The following RPGRIP1 variants were observed in gnomAD, a reference collection of about 807,000 sequenced individuals.
RPGRIP1 encodes X-linked retinitis pigmentosa GTPase regulator-interacting protein 1.
RPGRIP1 carries 128 observed loss-of-function variants against 157.9 expected under a neutral mutation model. The ratio of observed to expected loss-of-function variants is 0.81; its 90% CI spans 0.70 to 0.94. The LOEUF (loss-of-function observed/expected upper bound fraction) is 0.94. Among genes scored for constraint, RPGRIP1 ranks in the 40% least tolerant of loss-of-function variants. The probability of loss-of-function intolerance (pLI) is 0.00; values close to 1 mark genes in which losing one functional copy is unlikely to be tolerated. For synonymous variants in RPGRIP1, 554 were observed against 571.6 expected (o/e 0.97, Z 0.44); for missense variants, 1,486 against 1,545.8 (o/e 0.96, Z 0.65).
At chr14:21,280,241 CTTTT>C (rs35642254) in intron 1 of RPGRIP1, among the ~76,000 whole-genome samples, 82 bp downstream of exon 1, 1 of 109,358 alleles carries the variant, frequency 9.1e-6, no homozygotes, top group African/African-American at 3.5e-5. Context: ...TAAGTTTATT[CTTTT>C]TTTTTTTTTT....
intron 14 of RPGRIP1, among the ~76,000 whole-genome samples, chr14:21,323,681 C>A (rs574201169): frequency 1.1e-4 from 17 of 152,046 alleles, no homozygotes; most frequent in South Asian, 8.3e-4. Context: ...TATAGAAATT[C>A]TTTTTATGCT....
chr14:21,304,431 GAAA>G (rs1881207154), intron 6 of RPGRIP1, among the ~76,000 whole-genome samples: 3 of 147,734 alleles, frequency 2.0e-5, no homozygotes, highest in African/African-American at 5.1e-5. Flanking sequence ...AAGAAAGAAA[GAAA>G]GAAAGAAAGA....
chr14:21,351,177 T>C lies in RPGRIP1; in HGVS notation c.3822T>C (p.His1274=). The C allele has an allele frequency of 1.2e-6, 2 of 1,612,242 alleles. No homozygotes were observed. Among genetic ancestry groups the C allele is most frequent in the Non-Finnish European group, 1.7e-6 (2 of 1,178,938 alleles). ...CCCTTCAAGCAGCTGCTGTCCTCCATGCTATTTACAAGGAGATGACTGAAG... is the reference window on the plus strand; with the variant it reads ...CCCTTCAAGCAGCTGCTGTCCTCCACGCTATTTACAAGGAGATGACTGAAG... ...KVSLQAAAVL[H]AIYKEMTEDL... The change falls in exon 25 of 25, where the codon CAT becomes CAC. Residue 1274 remains histidine, a synonymous_variant. Transcript: ENST00000400017.
chr14:21,307,202 T>G (rs1269289750), intron 6 of RPGRIP1, among the ~76,000 whole-genome samples: 2 of 152,094 alleles, frequency 1.3e-5, no homozygotes, highest in African/African-American at 4.8e-5. Context: ...GACAGGCTTA[T>G]GCCACCACAC....
At chr14:21,318,079 T>C in intron 11 of RPGRIP1, 1 of 677,872 alleles carries the variant, frequency 1.5e-6, no homozygotes, top group South Asian at 1.5e-5. Flanking sequence ...TCTTTCCATT[T>C]GAGAAGATGC....
chr14:21,302,552 CAG>C lies in RPGRIP1; in HGVS notation c.558_559del (p.Gly187Ter). On this transcript the variant is annotated frameshift_variant, in exon 5 of 25. Transcript: ENST00000400017. LOFTEE classifies it high-confidence loss of function. ...TTAAGGAGCATGCGACAAATGAAAA[CAG>C]AGGTGAAGTAGCCAGTAAACCCAGT... Reference protein sequence around the residue: ...SFKEHATNENRGEVASKPSEL... With the variant: ...SFKEHATNENXGEVASKPSEL... 1 of 1,586,630 alleles carries C rather than the reference CAG, an allele frequency of 6.3e-7. No individual in the cohort carries two copies. The highest frequency in any genetic ancestry group is 2.3e-5 in the East Asian group (1 of 44,168).
intron 12 of RPGRIP1, among the ~76,000 whole-genome samples, chr14:21,320,848 A>C (rs1882379190): frequency 1.3e-5 from 2 of 152,064 alleles, no homozygotes; most frequent in South Asian, 2.1e-4. Context: ...TGATCCGCCC[A>C]ACTCAGCCTC....
intron 1 of RPGRIP1, among the ~76,000 whole-genome samples, 156 bp from the exon 2 acceptor site, chr14:21,287,783 C>G (rs1380547765): frequency 6.6e-6 from 1 of 152,182 alleles, no homozygotes; most frequent in Non-Finnish European, 1.5e-5. Context: ...TGTTGTTACT[C>G]TTTAGTGTAG....
chr14:21,291,684 C>A (rs895816604), intron 2 of RPGRIP1, among the ~76,000 whole-genome samples: 1 of 151,754 alleles, frequency 6.6e-6, no homozygotes, highest in Admixed American at 6.6e-5. Context: ...AAGGCTCAAG[C>A]GATCCTCCAG....
At chr14:21,306,783 C>G (rs1387456778) in intron 6 of RPGRIP1, among the ~76,000 whole-genome samples, 1 of 147,866 alleles carries the variant, frequency 6.8e-6, no homozygotes, top group African/African-American at 2.5e-5. Context: ...TTATTATTAT[C>G]ATTATTTTTT....
intron 24 of RPGRIP1, among the ~76,000 whole-genome samples, chr14:21,349,316 C>G (rs1176590810): frequency 1.3e-5 from 2 of 151,560 alleles, no homozygotes; most frequent in African/African-American, 4.8e-5. Context: ...GCAATCCACC[C>G]TCTTTTGCCT....
At chr14:21,300,894 A>G (rs1880996257) in intron 3 of RPGRIP1, 72 bp from the exon 4 acceptor site, 5 of 1,524,210 alleles carry the variant, frequency 3.3e-6, no homozygotes, top group African/African-American at 2.8e-5. Flanking sequence ...ATTCGTGATT[A>G]TATGTCCCAA....
chr14:21,296,192 C>T (rs990872741), intron 3 of RPGRIP1, among the ~76,000 whole-genome samples: 1 of 151,398 alleles, frequency 6.6e-6, no homozygotes, highest in Non-Finnish European at 1.5e-5. Flanking sequence ...ACTTCCGCCT[C>T]CCGGATTCAA....
chr14:21,290,212 G>A (rs1383301471), intron 2 of RPGRIP1, among the ~76,000 whole-genome samples: 1 of 152,034 alleles, frequency 6.6e-6, no homozygotes, highest in African/African-American at 2.4e-5. Context: ...GGGTCATACG[G>A]TAACACTAGT....
intron 2 of RPGRIP1, 26 bp from the exon 3 acceptor site, chr14:21,294,651 C>T (rs769885197): frequency 6.2e-7 from 1 of 1,609,518 alleles, no homozygotes; most frequent in African/African-American, 1.3e-5. Flanking sequence ...AAAATACTGT[C>T]CATTTACTGT....
At chr14:21,337,288 A>C (rs1884463098) in intron 21 of RPGRIP1, among the ~76,000 whole-genome samples, 1 of 152,144 alleles carries the variant, frequency 6.6e-6, no homozygotes, top group Admixed American at 6.6e-5. Context: ...TGGTAGTATT[A>C]AGTATACCCA....
rs575754888 is a variant in RPGRIP1 at position 21,321,533 on chromosome 14, C to T, written c.1611+131C>T. 2.2e-5 allele frequency: 32 copies of T among 1,451,646 alleles called. No individual in the cohort carries two copies. In the African/African-American group the frequency reaches 4.4e-4, roughly 20 times the overall value. 89.9% of individuals were successfully genotyped at this position (1,451,646 alleles called of 1,614,324 possible). A position where few individuals can be genotyped will look rare whatever the true frequency, so the allele number is the denominator to read the frequency against. On this transcript the variant is annotated intron_variant, in intron 13 of 24. Transcript: ENST00000400017. ...TGATGTGCTATCCTGAGCAAACACA[C>T]AATGGCTGTCCTTTGAAGAACTTGA...
chr14:21,338,180 T>C (rs936574819), intron 21 of RPGRIP1, among the ~76,000 whole-genome samples: 3 of 152,214 alleles, frequency 2.0e-5, no homozygotes, highest in African/African-American at 7.2e-5. Flanking sequence ...CCTCCCAAAG[T>C]GCCGGGATTA....
chr14:21,325,471 G>A lies in RPGRIP1; in HGVS notation c.2367+88G>A, dbSNP rs1594214757. On this transcript the variant is annotated intron_variant, in intron 16 of 24. Transcript: ENST00000400017. The stretch of plus-strand genomic sequence containing the variant: ...GTTCAGTCTTCCACTCTCAATAAGT[G>A]TTTGTTGAATGTGAATGAAAGAGAA... 8.8e-6 allele frequency: 11 copies of A among 1,250,976 alleles called. No homozygotes were observed. In the East Asian group the frequency reaches 2.5e-4, roughly 29 times the overall value. 77.5% of individuals were successfully genotyped at this position (1,250,976 alleles called of 1,614,324 possible). A position where few individuals can be genotyped will look rare whatever the true frequency, so the allele number is the denominator to read the frequency against.
Sources: allele counts gnomAD v4.1 joint callset (sites outside exome capture counted in the v4.1 genomes callset), GRCh38; gene constraint gnomAD v4.1.1; transcripts MANE v1.5; gene names NCBI Gene and HGNC (gene_info 2026-07-23, HGNC 2026-07-21).